Variants in MAPK14 observed in about 807,000 individuals in gnomAD.
The protein encoded by MAPK14 is CSAID-binding protein.
A neutral mutation model predicts 49.6 loss-of-function variants in MAPK14; 16 were observed. The observed-to-expected ratio is 0.32, with a 90% CI of 0.22 to 0.49. The LOEUF (loss-of-function observed/expected upper bound fraction) is 0.49. MAPK14 is among the 20% of genes least tolerant of loss of function. The pLI, the probability that MAPK14 is intolerant of heterozygous loss-of-function variation, is 0.99. For missense variants in MAPK14, 200 were observed against 441.2 expected (o/e 0.45, Z 4.90); for synonymous variants, 142 against 158.0 (o/e 0.90, Z 0.76).
chr6:36,109,512 G>A lies in MAPK14; in HGVS notation c.*1065G>A, dbSNP rs975541648. 1 of 152,644 alleles carries A rather than the reference G, an allele frequency of 6.6e-6. No individual in the cohort carries two copies. The highest frequency in any genetic ancestry group is 2.4e-5 in the African/African-American group (1 of 41,452). The allele number at this position is 152,644 out of a possible 1,614,324, so 9.5% of individuals were successfully genotyped here. A position where few individuals can be genotyped will look rare whatever the true frequency, so the allele number is the denominator to read the frequency against. ...CCATGTCACCTCAGCTGATATTATGGCAAGTGATATCACCTCTCTTCAGCC... is the reference window on the plus strand; with the variant it reads ...CCATGTCACCTCAGCTGATATTATGACAAGTGATATCACCTCTCTTCAGCC... On this transcript the variant is annotated 3_prime_UTR_variant, in exon 12 of 12. Coordinates refer to ENST00000229794, the MANE Select transcript of MAPK14 (RefSeq NM_139012.3).
intron 1 of MAPK14, among the ~76,000 whole-genome samples, chr6:36,048,182 C>CAAA (rs1453109073): frequency 1.3e-5 from 2 of 152,050 alleles, no homozygotes; most frequent in Non-Finnish European, 2.9e-5. Flanking sequence ...GCTGGGGTTA[C>CAAA]AAGTGTGTGC....
intron 11 of MAPK14, among the ~76,000 whole-genome samples, chr6:36,108,161 G>T (rs911956693): frequency 1.4e-4 from 22 of 152,188 alleles, no homozygotes; most frequent in African/African-American, 5.3e-4. Context: ...GAGGCACTCA[G>T]CGATGAAAAA....
At chr6:36,115,314 C>T (rs1766041758), downstream of MAPK14, among the ~76,000 whole-genome samples, 1 of 152,160 alleles carries the variant, frequency 6.6e-6, no homozygotes, top group Non-Finnish European at 1.5e-5. Context: ...AGCCTAGATT[C>T]TTAACAAAAA....
intron 1 of MAPK14, among the ~76,000 whole-genome samples, chr6:36,030,686 C>T (rs78793358): frequency 8.4e-6 from 1 of 118,408 alleles, no homozygotes; most frequent in African/African-American, 3.3e-5. Flanking sequence ...GACGCCGTCT[C>T]AAAAAAAAAA....
Position 36,110,418 on chromosome 6 carries a change from G to A in MAPK14, c.*1971G>A, listed in dbSNP as rs1803335. The stretch of plus-strand genomic sequence containing the variant: ...TTCAAATCCTCACCATCCACAGCAA[G>A]ATGAATTTTATCAGCCATGTTTGGT... On this transcript the variant is annotated 3_prime_UTR_variant, in exon 12 of 12. Transcript: ENST00000229794. 1.3e-5 allele frequency: 2 copies of A among 152,684 alleles called. No individual in the cohort carries two copies. The highest frequency in any genetic ancestry group is 4.8e-5 in the African/African-American group (2 of 41,460). 9.5% of individuals were successfully genotyped at this position (152,684 alleles called of 1,614,324 possible). A position where few individuals can be genotyped will look rare whatever the true frequency, so the allele number is the denominator to read the frequency against.
chr6:36,089,180 TA>T (rs1263397103), intron 8 of MAPK14, among the ~76,000 whole-genome samples: 1 of 151,972 alleles, frequency 6.6e-6, no homozygotes. Context: ...ATGGACTGGA[TA>T]AAAAAACATG....
chr6:36,028,040 G>C lies in MAPK14; in HGVS notation c.-118G>C, dbSNP rs1262741625. ...GGGGTCGCGGCAGCCGCACCTGCGC[G>C]GGCGACCAGCGCAAGGTCCCCGCCC... is the stretch of plus-strand genomic sequence containing the variant. On this transcript the variant is annotated 5_prime_UTR_variant, in exon 1 of 12. Coordinates refer to ENST00000229794, the MANE Select transcript of MAPK14 (RefSeq NM_139012.3). The surrounding 1 kb of genome is among the most constrained non-coding windows in gnomAD (Gnocchi z 5.1). 12 of 514,736 alleles carry C rather than the reference G, an allele frequency of 2.3e-5. No homozygotes were observed. In the East Asian group the frequency reaches 4.2e-4, roughly 18 times the overall value. 31.9% of individuals were successfully genotyped at this position (514,736 alleles called of 1,614,324 possible). A position where few individuals can be genotyped will look rare whatever the true frequency, so the allele number is the denominator to read the frequency against.
At chr6:36,093,082 T>C (rs1765301802) in intron 8 of MAPK14, among the ~76,000 whole-genome samples, 1 of 152,006 alleles carries the variant, frequency 6.6e-6, no homozygotes, top group African/African-American at 2.4e-5. Flanking sequence ...TAAATAGGAA[T>C]AGAAAAGGCT....
chr6:36,118,814 C>G, the MAPK14 span, among the ~76,000 whole-genome samples: 1 of 152,124 alleles, frequency 6.6e-6, no homozygotes, highest in Non-Finnish European at 1.5e-5. Context: ...GGCAAACAGC[C>G]GAGTGGCTGC....
At chr6:36,048,251 C>T (rs992741930) in intron 1 of MAPK14, among the ~76,000 whole-genome samples, 2 of 151,712 alleles carry the variant, frequency 1.3e-5, no homozygotes, top group East Asian at 3.9e-4. Context: ...CCATGTTGGC[C>T]AGACTGGTAT....
At chr6:36,043,040 T>C (rs1438296821) in intron 1 of MAPK14, among the ~76,000 whole-genome samples, 3 of 152,050 alleles carry the variant, frequency 2.0e-5, no homozygotes, top group Non-Finnish European at 4.4e-5. Context: ...GGGAGGTTTG[T>C]TGGGGCCTGG....
chr6:36,092,247 T>C, intron 8 of MAPK14: 1 of 568,284 alleles, frequency 1.8e-6, no homozygotes, highest in South Asian at 1.4e-5. Flanking sequence ...TTGACAAACC[T>C]GGGTCCATAT....
chr6:36,084,776 C>G lies in MAPK14; in HGVS notation c.682+8168C>G, dbSNP rs569357249. On this transcript the variant is annotated intron_variant, in intron 8 of 11. Coordinates refer to ENST00000229794, the MANE Select transcript of MAPK14 (RefSeq NM_139012.3). ...TTCAGGATATCAGCCAGGAGAACTT[C>G]CCCAACCTAGCAAGACAGGCCAGCA... Among the ~76,000 whole-genome samples the G allele has an allele frequency of 4.6e-5, 7 of 152,276 alleles. No individual in the cohort carries two copies. The East Asian group carries it at 1.3e-3, about 29-fold the overall frequency.
intron 2 of MAPK14, among the ~76,000 whole-genome samples, chr6:36,054,003 G>GTTTTTTTTTTTTTTTTTTTTTTTT (rs1562112079): frequency 6.6e-6 from 1 of 151,922 alleles, no homozygotes; most frequent in African/African-American, 2.4e-5. Context: ...GCAAACCAGA[G>GTTTTTTTTTTTTTTTTTTTTTTTT]TTTTAAGAAT....
At chr6:36,117,306 GCT>G in the MAPK14 span, among the ~76,000 whole-genome samples, 1 of 152,202 alleles carries the variant, frequency 6.6e-6, no homozygotes, top group Admixed American at 6.5e-5. Flanking sequence ...CTTCCCTCTG[GCT>G]CTCTATAGCA....
intron 8 of MAPK14, among the ~76,000 whole-genome samples, chr6:36,081,737 TC>T (rs1764768925): frequency 6.6e-6 from 1 of 152,192 alleles, no homozygotes; most frequent in Admixed American, 6.5e-5. Flanking sequence ...CCTTGTAATT[TC>T]ATATGAATTT....
chr6:36,072,862 C>A lies in MAPK14; in HGVS notation c.306-11C>A. The A allele has an allele frequency of 1.4e-6, 2 of 1,433,614 alleles. No homozygotes were observed. Among genetic ancestry groups the A allele is most frequent in the Non-Finnish European group, 1.9e-6 (2 of 1,034,084 alleles). 88.8% of individuals were successfully genotyped at this position (1,433,614 alleles called of 1,614,324 possible). The stretch of plus-strand genomic sequence containing the variant: ...TTCTAGATTGTTATGTAACTTTTCA[C>A]TAATTTCTAGGTATCTGGTGACCCA... On this transcript the variant is annotated splice_polypyrimidine_tract_variant and intron_variant, in intron 3 of 11. Coordinates refer to ENST00000229794, the MANE Select transcript of MAPK14 (RefSeq NM_139012.3).
the MAPK14 span, among the ~76,000 whole-genome samples, chr6:36,118,669 T>C: frequency 1.3e-5 from 2 of 152,254 alleles, no homozygotes; most frequent in Non-Finnish European, 2.9e-5. Context: ...CCCTGGGCCA[T>C]TGCTCAAGTA....
chr6:36,062,651 C>CTT (rs1421324342), intron 3 of MAPK14, among the ~76,000 whole-genome samples: 2 of 139,076 alleles, frequency 1.4e-5, no homozygotes, highest in Non-Finnish European at 3.1e-5. Context: ...TTTTTTTTTT[C>CTT]TTTTTCTTTT....
Sources: gnomAD v4.1 joint callset for allele counts (sites outside exome capture counted in the v4.1 genomes callset) on GRCh38, gnomAD v4.1.1 for gene constraint, Gnocchi (gnomAD v3.1) non-coding constraint, MANE v1.5 for transcripts, NCBI Gene and HGNC (gene_info 2026-07-23, HGNC 2026-07-21) for gene names.